The following KAZN variants were observed in gnomAD, a reference collection of about 807,000 sequenced individuals.
KAZN encodes kazrin, periplakin interacting protein.
Under a neutral mutation model 87.4 loss-of-function variants are expected in KAZN, and 40 were observed. That is an observed-to-expected ratio of 0.46 (90% CI 0.36 to 0.60). The LOEUF (loss-of-function observed/expected upper bound fraction) is 0.60, where lower values mean the gene tolerates loss of function less well. Among genes scored for constraint, KAZN ranks in the 20% least tolerant of loss-of-function variants. The pLI is 0.00. For synonymous variants in KAZN, 466 were observed against 458.3 expected, an observed-to-expected ratio of 1.02 and a Z score of -0.22; for missense variants, 898 against 1,073.9, an observed-to-expected ratio of 0.84 and a Z score of 2.29.
chr1:14,530,536 C>T (rs4661502), intron 2 of KAZN, among the ~76,000 whole-genome samples: 30,464 of 151,952 alleles, frequency 0.2, 3,520 homozygotes, highest in Admixed American at 0.36. Flanking sequence ...CTCATGAATG[C>T]CTTGGTGCCC....
chr1:14,970,753 T>A (rs7544674), intron 2 of KAZN, among the ~76,000 whole-genome samples: 19,900 of 152,236 alleles, frequency 0.13, 1,463 homozygotes, highest in South Asian at 0.26. Context: ...CCATTTATCC[T>A]GAGAACAACG....
intron 4 of KAZN, among the ~76,000 whole-genome samples, chr1:15,054,925 G>A (rs978184701): frequency 1.3e-5 from 2 of 152,256 alleles, no homozygotes; most frequent in South Asian, 4.1e-4. Context: ...GCTCCTGAGA[G>A]CTGGGCTTAG....
chr1:14,509,665 A>G (rs1670798518), intron 2 of KAZN, among the ~76,000 whole-genome samples: 1 of 152,210 alleles, frequency 6.6e-6, no homozygotes, highest in Non-Finnish European at 1.5e-5. Flanking sequence ...TGTGTCTGAC[A>G]CTGGAGATAC....
chr1:14,844,310 G>A (rs538107500), intron 1 of KAZN, among the ~76,000 whole-genome samples: 1 of 152,234 alleles, frequency 6.6e-6, no homozygotes, highest in East Asian at 1.9e-4. Flanking sequence ...CCATAAAATG[G>A]AGATAATAAC....
At chr1:14,868,160 T>C (rs1424908636) in intron 1 of KAZN, among the ~76,000 whole-genome samples, 1 of 151,672 alleles carries the variant, frequency 6.6e-6, no homozygotes, top group Non-Finnish European at 1.5e-5. Context: ...AGCCATCGCA[T>C]AGGCGGGCAT....
intron 1 of KAZN, among the ~76,000 whole-genome samples, chr1:14,163,344 A>T (rs142503665): frequency 6.6e-6 from 1 of 152,284 alleles, no homozygotes; most frequent in Non-Finnish European, 1.5e-5. Context: ...ACATTGGCAT[A>T]GTTCTGAAGT....
At chr1:14,571,505 C>T (rs1674860772) in intron 2 of KAZN, among the ~76,000 whole-genome samples, 1 of 152,118 alleles carries the variant, frequency 6.6e-6, no homozygotes, top group South Asian at 2.1e-4. Context: ...TCTCTCTTGG[C>T]AAAGCTTTTT....
chr1:14,518,851 G>C lies in KAZN; in HGVS notation c.250-80132G>C, dbSNP rs1181072210. ...GCACGTAGGTGCTCAATAATTGCTAGTAGTTAATATTTTGAGAGCCAAATC... is the reference window on the plus strand; with the variant it reads ...GCACGTAGGTGCTCAATAATTGCTACTAGTTAATATTTTGAGAGCCAAATC... On this transcript the variant is annotated intron_variant, in intron 2 of 16. Transcript: ENST00000636203. Among the ~76,000 whole-genome samples the C allele has an allele frequency of 2.0e-5, 3 of 152,376 alleles. 1 individual carries two copies. In the Middle Eastern group the frequency reaches 0.01, roughly 518 times the overall value.
At chr1:14,657,680 G>A (rs1045754774) in intron 1 of KAZN, among the ~76,000 whole-genome samples, 1 of 152,118 alleles carries the variant, frequency 6.6e-6, no homozygotes, top group African/African-American at 2.4e-5. Context: ...TGTGTCTTGG[G>A]CCCAGGACCA....
chr1:14,144,439 T>C (rs1379333843), intron 1 of KAZN, among the ~76,000 whole-genome samples: 3 of 152,138 alleles, frequency 2.0e-5, no homozygotes, highest in Non-Finnish European at 2.9e-5. Context: ...TCTCTCTTAG[T>C]TACTGTCTTA....
At chr1:14,589,538 C>T (rs906364150) in intron 2 of KAZN, among the ~76,000 whole-genome samples, 2 of 152,182 alleles carry the variant, frequency 1.3e-5, no homozygotes, top group African/African-American at 2.4e-5. Context: ...ACTTATACAG[C>T]GTACACCATT....
chr1:14,064,051 G>A (rs917378879), intron 1 of KAZN, among the ~76,000 whole-genome samples: 1 of 152,044 alleles, frequency 6.6e-6, no homozygotes, highest in African/African-American at 2.4e-5. Flanking sequence ...GAGTAGCTGG[G>A]ATTACAGGCA....
At chr1:14,865,267 T>A (rs1187993044) in intron 1 of KAZN, among the ~76,000 whole-genome samples, 1 of 152,170 alleles carries the variant, frequency 6.6e-6, no homozygotes, top group African/African-American at 2.4e-5. Context: ...CTCCCCAGTA[T>A]GAAAATAGAT....
upstream of KAZN, among the ~76,000 whole-genome samples, chr1:14,594,343 A>G (rs1676365045): frequency 6.6e-6 from 1 of 152,196 alleles, no homozygotes; most frequent in African/African-American, 2.4e-5. Flanking sequence ...AGCTACAGGG[A>G]AGCTGGTTTT....
chr1:14,577,353 G>A (rs776387447), intron 2 of KAZN, among the ~76,000 whole-genome samples: 12 of 152,174 alleles, frequency 7.9e-5, no homozygotes, highest in Admixed American at 6.5e-4. Flanking sequence ...ATTGGATTGC[G>A]GTAATTCATT....
chr1:15,065,863 C>A, intron 8 of KAZN, 110 bp downstream of exon 8: 1 of 1,536,058 alleles, frequency 6.5e-7, no homozygotes, highest in Non-Finnish European at 8.8e-7. Flanking sequence ...TGCAAGCGAG[C>A]GTGGGTGCGC....
intron 1 of KAZN, among the ~76,000 whole-genome samples, chr1:14,952,882 A>T (rs1662666269): frequency 6.6e-6 from 1 of 152,142 alleles, no homozygotes; most frequent in Admixed American, 6.5e-5. Flanking sequence ...CCTTCCGGAG[A>T]GTTTCCACTG....
At chr1:14,067,637 C>T (rs1029961854) in intron 1 of KAZN, among the ~76,000 whole-genome samples, 1 of 152,204 alleles carries the variant, frequency 6.6e-6, no homozygotes, top group Non-Finnish European at 1.5e-5. Context: ...TGTCTGTCCC[C>T]CCCCATACTG....
intron 1 of KAZN, among the ~76,000 whole-genome samples, chr1:14,907,751 T>A (rs1487002404): frequency 6.6e-6 from 1 of 152,052 alleles, no homozygotes; most frequent in East Asian, 1.9e-4. Context: ...AGGAAAGTCA[T>A]GGAGCTGTTG....
Sources: gnomAD v4.1 joint callset for allele counts (sites outside exome capture counted in the v4.1 genomes callset) on GRCh38, gnomAD v4.1.1 for gene constraint, MANE v1.5 for transcripts, NCBI Gene and HGNC (gene_info 2026-07-23, HGNC 2026-07-21) for gene names.